DOCK2: variants seen among roughly 807,000 people sequenced by gnomAD.
DOCK2 encodes dedicator of cytokinesis protein 2.
Under a neutral mutation model 248.9 loss-of-function variants are expected in DOCK2, and 87 were observed. The ratio of observed to expected loss-of-function variants is 0.35; its 90% CI spans 0.29 to 0.42. The LOEUF is 0.42. DOCK2 is among the 10% of genes least tolerant of loss of function. The pLI is 1.00. For missense variants in DOCK2, 1,747 were observed against 2,300.2 expected (o/e 0.76, Z 4.92); for synonymous variants, 805 against 821.6 (o/e 0.98, Z 0.35).
intron 27 of DOCK2, among the ~76,000 whole-genome samples, chr5:169,967,843 A>C (rs757262163): frequency 5.3e-5 from 8 of 152,190 alleles, no homozygotes; most frequent in Non-Finnish European, 1.0e-4. Flanking sequence ...AAAAATTTCT[A>C]AATCCCCATG....
At chr5:169,695,771 T>A in intron 9 of DOCK2, 32 bp from the exon 10 acceptor site, 1 of 1,612,536 alleles carries the variant, frequency 6.2e-7, no homozygotes, top group South Asian at 1.1e-5. Flanking sequence ...ATTCAGCACA[T>A]GATGGTCAAT....
At chr5:169,737,774 C>G (rs563408394) in intron 22 of DOCK2, among the ~76,000 whole-genome samples, 1 of 152,304 alleles carries the variant, frequency 6.6e-6, no homozygotes, top group South Asian at 2.1e-4. Flanking sequence ...ATTCCTGGAC[C>G]GGGCATGGAA....
In DOCK2 at chr5:169,786,798, C is replaced by T. The variant is rs188269029; in HGVS notation, c.2555-16260C>T. ...CTCTATGTATACATGTACACACACACGTATTTATATTTTATATAAAATTAA... is the reference window on the plus strand; with the variant it reads ...CTCTATGTATACATGTACACACACATGTATTTATATTTTATATAAAATTAA... On this transcript the variant is annotated intron_variant, in intron 25 of 51. Transcript: ENST00000520908. Among the ~76,000 whole-genome samples the T allele has an allele frequency of 7.2e-4, 109 of 152,202 alleles. No homozygotes were observed. In the Middle Eastern group the frequency reaches 0.014, roughly 19 times the overall value.
chr5:169,923,135 C>T (rs1775265029), intron 27 of DOCK2, among the ~76,000 whole-genome samples: 1 of 152,200 alleles, frequency 6.6e-6, no homozygotes, highest in Admixed American at 6.5e-5. Flanking sequence ...GGCCTATGCT[C>T]CTCACCTCTG....
chr5:169,978,471 T>G (rs890783904), intron 27 of DOCK2, among the ~76,000 whole-genome samples: 40 of 150,920 alleles, frequency 2.7e-4, no homozygotes, highest in African/African-American at 8.9e-4. Context: ...TACACTAAAA[T>G]TATTGGCATT....
chr5:169,691,868 T>A lies in DOCK2; in HGVS notation c.843+2535T>A, dbSNP rs933184476. ...TTATTTATTTATTTTTATTTATTTTTTTTTTTGAGATGGAGTCTTGCTCTG... is the reference window on the plus strand; with the variant it reads ...TTATTTATTTATTTTTATTTATTTTATTTTTTGAGATGGAGTCTTGCTCTG... On this transcript the variant is annotated intron_variant, in intron 9 of 51. Coordinates refer to ENST00000520908, the MANE Select transcript of DOCK2 (RefSeq NM_004946.3). Among the ~76,000 whole-genome samples, 584 of 151,626 alleles carry A rather than the reference T, an allele frequency of 3.9e-3. 5 individuals carry two copies. The highest frequency in any genetic ancestry group is 0.013 in the African/African-American group (557 of 41,480).
intron 29 of DOCK2, among the ~76,000 whole-genome samples, chr5:169,993,701 C>CGACTCTTG (rs1778266310): frequency 6.6e-6 from 1 of 152,140 alleles, no homozygotes; most frequent in Non-Finnish European, 1.5e-5. Context: ...CTCCACCCAC[C>CGACTCTTG]GACTCTTGGA....
chr5:169,726,046 G>T (rs1186848134), intron 22 of DOCK2, among the ~76,000 whole-genome samples: 1 of 152,118 alleles, frequency 6.6e-6, no homozygotes, highest in South Asian at 2.1e-4. Flanking sequence ...TGGGTCAAAT[G>T]GTGTTTCTGG....
At chr5:169,799,046 A>G (rs1474780457) in intron 25 of DOCK2, among the ~76,000 whole-genome samples, 1 of 152,182 alleles carries the variant, frequency 6.6e-6, no homozygotes, top group Non-Finnish European at 1.5e-5. Flanking sequence ...GAATCCAAAT[A>G]CGTTATGTCA....
chr5:169,995,182 CA>C (rs920917901), intron 29 of DOCK2, among the ~76,000 whole-genome samples: 12 of 152,036 alleles, frequency 7.9e-5, no homozygotes, highest in African/African-American at 2.9e-4. Context: ...GCGTGCACCA[CA>C]ACGCCCGGCT....
intron 46 of DOCK2, among the ~76,000 whole-genome samples, chr5:170,074,930 G>C (rs185110517): frequency 6.6e-6 from 1 of 152,206 alleles, no homozygotes; most frequent in Non-Finnish European, 1.5e-5. Flanking sequence ...AGGCAGATTG[G>C]CTTCTTATCA....
At position 169,716,226 on chromosome 5, in the gene DOCK2, C is replaced by T. The variant is rs778122455; in HGVS notation, c.1955C>T (p.Thr652Ile). 5.6e-6 allele frequency: 9 copies of T among 1,613,516 alleles called. No individual in the cohort carries two copies. Among genetic ancestry groups the T allele is most frequent in the Non-Finnish European group, 6.8e-6 (8 of 1,179,668 alleles). Residue 652 changes from threonine to isoleucine, a missense_variant, in exon 20 of 52, where the codon ACT becomes ATT. Transcript: ENST00000520908. ...GEEVVKFLQD[T>I]LDALFNIMME... ...TATTTCTTCCAGTTTCTCCAGGATA[C>T]TCTGGATGCCCTCTTCAACATCATG...
At chr5:169,765,978 A>G (rs6875474) in intron 25 of DOCK2, among the ~76,000 whole-genome samples, 21,554 of 152,220 alleles carry the variant, frequency 0.14, 2,222 homozygotes, top group Admixed American at 0.31. Context: ...GATGGAAATA[A>G]TTGTGCCTAT....
At chr5:170,018,922 G>A (rs532343068) in intron 32 of DOCK2, 38 bp from the exon 33 acceptor site, 141 of 1,602,508 alleles carry the variant, frequency 8.8e-5, no homozygotes, top group Admixed American at 3.0e-4. Flanking sequence ...GTGCGTCGCC[G>A]AACTGTTTTA....
rs112923063 is a variant in DOCK2, at chr5:169,930,193, T to C, written c.2800-52875T>C. ...TTTAGTAGAGATGGGGGTTTCACCA[T>C]GTTGGCTAGGATGGTCTCAATCTCC... is the stretch of plus-strand genomic sequence containing the variant. On this transcript the variant is annotated intron_variant, in intron 27 of 51. Coordinates refer to ENST00000520908, the MANE Select transcript of DOCK2 (RefSeq NM_004946.3). Among the ~76,000 whole-genome samples, 580 of 152,256 alleles carry C rather than the reference T, an allele frequency of 3.8e-3. 4 individuals are homozygous for C. Among genetic ancestry groups the C allele is most frequent in the African/African-American group, 0.013 (558 of 41,542 alleles).
chr5:169,887,332 T>C (rs376781263), intron 27 of DOCK2, among the ~76,000 whole-genome samples: 47 of 152,330 alleles, frequency 3.1e-4, no homozygotes, highest in African/African-American at 1.1e-3. Flanking sequence ...ATTTGTTCAT[T>C]GTAAAAATTC....
At chr5:169,949,509 G>A (rs1009004097) in intron 27 of DOCK2, among the ~76,000 whole-genome samples, 3 of 151,806 alleles carry the variant, frequency 2.0e-5, no homozygotes, top group Non-Finnish European at 2.9e-5. Context: ...AAAGTAGCTG[G>A]AGCCTGGAAC....
At chr5:170,039,314 C>T (rs1333415828) in intron 36 of DOCK2, among the ~76,000 whole-genome samples, 2 of 152,204 alleles carry the variant, frequency 1.3e-5, no homozygotes, top group African/African-American at 2.4e-5. Context: ...CTGGATAAAG[C>T]GTGCTCTCCT....
rs80250373 is a variant in DOCK2 at position 169,718,644 on chromosome 5, A to G, written c.2133-13A>G. The G allele has an allele frequency of 1.2e-6, 2 of 1,607,036 alleles. No individual in the cohort carries two copies. The highest frequency in any genetic ancestry group is 2.7e-5 in the African/African-American group (2 of 74,732). ...GAAAGAGATGTATTTTGAAAATATT[A>G]TCCCTTATTCAGGAAATTGATGACA... On this transcript the variant is annotated splice_polypyrimidine_tract_variant and intron_variant, in intron 21 of 51. Transcript: ENST00000520908.
Sources: allele counts gnomAD v4.1 joint callset (sites outside exome capture counted in the v4.1 genomes callset), GRCh38; gene constraint gnomAD v4.1.1; transcripts MANE v1.5; gene names NCBI Gene and HGNC (gene_info 2026-07-23, HGNC 2026-07-21).